Variants in CNTN5 observed in about 807,000 individuals in gnomAD.
CNTN5 encodes the protein contactin-5.
CNTN5 carries 77 observed loss-of-function variants against 129.1 expected under a neutral mutation model. The ratio of observed to expected loss-of-function variants is 0.60; its 90% confidence interval spans 0.50 to 0.72. The LOEUF (loss-of-function observed/expected upper bound fraction) is 0.72, where lower values mean the gene tolerates loss of function less well. Among genes scored for constraint, CNTN5 ranks in the 30% least tolerant of loss-of-function variants. The pLI is 0.00. For missense variants in CNTN5, 1,478 were observed against 1,328.8 expected, an observed-to-expected ratio of 1.11 and a Z score of -1.75; for synonymous variants, 509 against 465.6, an observed-to-expected ratio of 1.09 and a Z score of -1.20.
chr11:99,915,956 T>C (rs1054665485), intron 6 of CNTN5, 98 bp from the exon 7 acceptor site: 10 of 893,608 alleles, frequency 1.1e-5, no homozygotes, highest in Admixed American at 6.4e-5. Context: ...AAAAGACACC[T>C]TGTGAAGATA....
intron 3 of CNTN5, among the ~76,000 whole-genome samples, chr11:99,667,641 T>C (rs1445579418): frequency 6.6e-6 from 1 of 152,204 alleles, no homozygotes; most frequent in Non-Finnish European, 1.5e-5. Flanking sequence ...TCATGTCTTT[T>C]GCTATGTCAT....
chr11:99,156,297 G>A (rs1475712575), intron 1 of CNTN5, among the ~76,000 whole-genome samples: 1 of 151,930 alleles, frequency 6.6e-6, no homozygotes, highest in African/African-American at 2.4e-5. Context: ...TCTTTGAATA[G>A]ATTTTTAAAC....
At chr11:99,062,828 T>C (rs1864944020) in intron 1 of CNTN5, among the ~76,000 whole-genome samples, 1 of 152,116 alleles carries the variant, frequency 6.6e-6, no homozygotes, top group Non-Finnish European at 1.5e-5. Context: ...TCTTGATACA[T>C]TACTAGAAGA....
intron 7 of CNTN5, among the ~76,000 whole-genome samples, chr11:99,918,489 G>A (rs946841288): frequency 6.6e-6 from 1 of 152,018 alleles, no homozygotes; most frequent in Non-Finnish European, 1.5e-5. Flanking sequence ...AATGTTTTAT[G>A]TGTCTTCCCC....
At chr11:99,553,999 C>T (rs1032621498) in intron 2 of CNTN5, among the ~76,000 whole-genome samples, 3 of 150,626 alleles carry the variant, frequency 2.0e-5, no homozygotes, top group African/African-American at 4.9e-5. Flanking sequence ...CACACACATA[C>T]ACACACACAC....
intron 3 of CNTN5, among the ~76,000 whole-genome samples, chr11:99,753,998 A>T (rs1565492652): frequency 6.7e-6 from 1 of 148,672 alleles, no homozygotes; most frequent in African/African-American, 2.5e-5. Flanking sequence ...AAAAAAAAAA[A>T]ATAAATAACA....
chr11:99,537,875 T>C (rs529006438), intron 2 of CNTN5, among the ~76,000 whole-genome samples: 16 of 152,186 alleles, frequency 1.1e-4, no homozygotes, highest in Admixed American at 3.3e-4. Flanking sequence ...GCTACTCTAA[T>C]GCTTTATCAT....
intron 1 of CNTN5, among the ~76,000 whole-genome samples, chr11:99,166,759 C>T (rs1260296049): frequency 1.4e-4 from 20 of 143,960 alleles, no homozygotes; most frequent in Admixed American, 3.5e-4. Context: ...TTTCCTTTTT[C>T]TTTTTTTTTT....
At chr11:100,307,062 G>C (rs1951367255) in intron 20 of CNTN5, among the ~76,000 whole-genome samples, 1 of 151,428 alleles carries the variant, frequency 6.6e-6, no homozygotes, top group South Asian at 2.1e-4. Flanking sequence ...GCAGTAACAG[G>C]GTAGATATTT....
At chr11:99,713,368 G>A (rs1354711567) in intron 3 of CNTN5, among the ~76,000 whole-genome samples, 1 of 152,038 alleles carries the variant, frequency 6.6e-6, no homozygotes, top group Non-Finnish European at 1.5e-5. Context: ...CTTTGCTGAA[G>A]TTGCTTATCA....
At chr11:100,137,459 G>T (rs1342844655) in intron 13 of CNTN5, among the ~76,000 whole-genome samples, 1 of 152,094 alleles carries the variant, frequency 6.6e-6, no homozygotes, top group Non-Finnish European at 1.5e-5. Context: ...AAGAAAGCAA[G>T]AAATTACACA....
chr11:99,891,019 G>C (rs78789345), intron 6 of CNTN5, among the ~76,000 whole-genome samples: 2,205 of 152,206 alleles, frequency 0.014, 28 homozygotes, highest in Middle Eastern at 0.044. Flanking sequence ...ATGAGAAACT[G>C]TCACAACCAA....
At chr11:99,396,657 A>G (rs1941540932) in intron 2 of CNTN5, among the ~76,000 whole-genome samples, 1 of 151,744 alleles carries the variant, frequency 6.6e-6, no homozygotes, top group East Asian at 1.9e-4. Context: ...TTTTTATTAT[A>G]AGAAAGCTGC....
intron 2 of CNTN5, among the ~76,000 whole-genome samples, chr11:99,458,847 C>T (rs1944586775): frequency 6.6e-6 from 1 of 151,926 alleles, no homozygotes. Flanking sequence ...CAGTGATTGC[C>T]TTGGAGGTCT....
chr11:99,272,765 G>A (rs1475553336), intron 1 of CNTN5, among the ~76,000 whole-genome samples: 1 of 151,856 alleles, frequency 6.6e-6, no homozygotes, highest in African/African-American at 2.4e-5. Context: ...ACCACAGGAA[G>A]AAACAGTTCT....
chr11:99,929,546 A>G (rs894890385), intron 7 of CNTN5, among the ~76,000 whole-genome samples: 1 of 152,204 alleles, frequency 6.6e-6, no homozygotes, highest in African/African-American at 2.4e-5. Flanking sequence ...CCGGAAACTT[A>G]CAGTCATGGT....
chr11:99,427,860 A>G (rs1271790714), intron 2 of CNTN5, among the ~76,000 whole-genome samples: 1 of 151,750 alleles, frequency 6.6e-6, no homozygotes, highest in Non-Finnish European at 1.5e-5. Context: ...TTTTTAAACA[A>G]TTATTTTGTG....
intron 18 of CNTN5, among the ~76,000 whole-genome samples, chr11:100,272,359 T>C (rs183217923): frequency 3.3e-5 from 5 of 152,222 alleles, no homozygotes; most frequent in Admixed American, 3.3e-4. Flanking sequence ...GTCCATTGTG[T>C]ATTATAGTTA....
chr11:99,805,712 CA>C (rs1418231201), intron 3 of CNTN5, among the ~76,000 whole-genome samples: 27 of 152,098 alleles, frequency 1.8e-4, no homozygotes, highest in Admixed American at 3.3e-4. Flanking sequence ...AACATGCTAG[CA>C]AGCAAAAATA....
Sources: gnomAD v4.1 joint callset for allele counts (sites outside exome capture counted in the v4.1 genomes callset) on GRCh38, gnomAD v4.1.1 for gene constraint, MANE v1.5 for transcripts, NCBI Gene and HGNC (gene_info 2026-07-23, HGNC 2026-07-21) for gene names.